The following ODAD2 variants were observed in gnomAD, a reference collection of about 807,000 sequenced individuals.
The protein encoded by ODAD2 is outer dynein arm-docking complex subunit 2.
A neutral mutation model predicts 106.8 loss-of-function variants in ODAD2; 89 were observed. That is an observed-to-expected ratio of 0.83 (90% CI 0.70 to 0.99). The LOEUF is 0.99. Among genes scored for constraint, ODAD2 ranks in the 50% least tolerant of loss-of-function variants. The probability of loss-of-function intolerance (pLI) is 0.00; values close to 1 mark genes in which losing one functional copy is unlikely to be tolerated. For missense variants in ODAD2, 1,168 were observed against 1,238.5 expected, an observed-to-expected ratio of 0.94 and a Z score of 0.85; for synonymous variants, 404 against 436.2, an observed-to-expected ratio of 0.93 and a Z score of 0.92.
At chr10:27,910,656 C>A (rs1843942390) in intron 16 of ODAD2, among the ~76,000 whole-genome samples, 1 of 152,016 alleles carries the variant, frequency 6.6e-6, no homozygotes, top group African/African-American at 2.4e-5. Flanking sequence ...ACTTGGGAGG[C>A]TGAGGTAGGA....
intron 16 of ODAD2, among the ~76,000 whole-genome samples, chr10:27,917,810 A>G (rs1297606601): frequency 6.6e-6 from 1 of 151,898 alleles, no homozygotes; most frequent in Non-Finnish European, 1.5e-5. Flanking sequence ...CAAAAAAGAG[A>G]CTGATGGAGA....
At position 27,898,164 on chromosome 10, in the gene ODAD2, T is replaced by A. The variant is rs76496077; in HGVS notation, c.2610+9499A>T. ...TTAAATTTGACATTTAAATATAGAT[T>A]TTCAATGACCATTGACAGTTAATCA... On this transcript the variant is annotated intron_variant, in intron 17 of 19. Transcript: ENST00000305242. Among the ~76,000 whole-genome samples, 101 of 152,262 alleles carry A rather than the reference T, an allele frequency of 6.6e-4. 1 individual carries two copies. The East Asian group carries it at 0.018, about 28-fold the overall frequency.
At chr10:27,813,352 G>A (rs1835885475) in intron 19 of ODAD2, 1 of 152,138 alleles carries the variant, frequency 6.6e-6, no homozygotes, top group Non-Finnish European at 1.5e-5. Flanking sequence ...GTCAGTAGCA[G>A]TTTACTCAAA....
At chr10:27,812,668 A>G (rs1835833421) in intron 19 of ODAD2, 43 bp from the exon 20 acceptor site, 3 of 1,533,616 alleles carry the variant, frequency 2.0e-6, no homozygotes, top group Non-Finnish European at 2.6e-6. Context: ...AAGAATAAAA[A>G]CATTAATCTA....
At chr10:27,818,439 C>T (rs958648703) in intron 19 of ODAD2, among the ~76,000 whole-genome samples, 7 of 152,094 alleles carry the variant, frequency 4.6e-5, no homozygotes, top group Non-Finnish European at 4.4e-5. Context: ...AGCAGAAAAA[C>T]TCTCCCAACA....
intron 19 of ODAD2, among the ~76,000 whole-genome samples, chr10:27,845,918 T>C (rs1020878284): frequency 1.7e-4 from 26 of 152,312 alleles, no homozygotes; most frequent in African/African-American, 5.8e-4. Flanking sequence ...CCCAGATTCA[T>C]AAAGCAAGTC....
rs1491566996 is a variant in ODAD2, at chr10:27,885,648, TTATA to T, written c.2610+22011_2610+22014del. On this transcript the variant is annotated intron_variant, in intron 17 of 19. Transcript: ENST00000305242. ...ATATATAAAATATATATTATATATA[TTATA>T]TATAATATATTATATATAAAATATA... Among the ~76,000 whole-genome samples the T allele has an allele frequency of 1.6e-4, 5 of 30,998 alleles. No homozygotes were observed. In the Admixed American group the frequency reaches 2.1e-3, roughly 13 times the overall value. The allele number at this position is 30,998 out of a possible 152,430, so 20.3% of individuals were successfully genotyped here. A position where few individuals can be genotyped will look rare whatever the true frequency, so the allele number is the denominator to read the frequency against.
At chr10:27,914,180 A>G (rs1285359744) in intron 16 of ODAD2, among the ~76,000 whole-genome samples, 1 of 152,142 alleles carries the variant, frequency 6.6e-6, no homozygotes, top group African/African-American at 2.4e-5. Flanking sequence ...AATAAATATT[A>G]AGTGAGAGCC....
intron 2 of ODAD2, among the ~76,000 whole-genome samples, chr10:27,989,180 C>A (rs796946401): frequency 3.9e-5 from 6 of 152,132 alleles, no homozygotes; most frequent in Non-Finnish European, 7.3e-5. Flanking sequence ...TAAGATAATA[C>A]ATTTGTGTGT....
chr10:27,879,671 A>C (rs1372285897), intron 17 of ODAD2, among the ~76,000 whole-genome samples: 1 of 152,116 alleles, frequency 6.6e-6, no homozygotes, highest in Non-Finnish European at 1.5e-5. Flanking sequence ...ATTTATGAAG[A>C]GATTGTTTTC....
At chr10:27,905,649 G>A (rs1843534176) in intron 17 of ODAD2, among the ~76,000 whole-genome samples, 1 of 152,102 alleles carries the variant, frequency 6.6e-6, no homozygotes, top group Non-Finnish European at 1.5e-5. Context: ...AAACAGCATG[G>A]TACTGGTACC....
rs9299592 is a variant in ODAD2 at position 27,858,803 on chromosome 10, AT to A, written c.3021+1821del. Among the ~76,000 whole-genome samples the A allele has an allele frequency of 2.6e-3, 340 of 128,730 alleles. 1 individual carries two copies. The highest frequency in any genetic ancestry group is 8.7e-3 in the African/African-American group (294 of 33,866). The allele number at this position is 128,730 out of a possible 152,430, so 84.5% of individuals were successfully genotyped here. ...AACCATTACATGTACACCTTAGTAC[AT>A]TTTTTTTTTTTTTTTTTGAGACAGA... On this transcript the variant is annotated intron_variant, in intron 19 of 19. Transcript: ENST00000305242.
Position 27,945,782 on chromosome 10 carries a change from TGCATATTACCACTACTGCTATTCAGCTG to T in ODAD2, c.1387-848_1387-821del, listed in dbSNP as rs1846869607. Among the ~76,000 whole-genome samples, 3 of 152,262 alleles carry T rather than the reference TGCATATTACCACTACTGCTATTCAGCTG, an allele frequency of 2.0e-5. No homozygotes were observed. The South Asian group carries it at 6.2e-4, about 32-fold the overall frequency. On this transcript the variant is annotated intron_variant, in intron 10 of 19. Transcript: ENST00000305242. Reference sequence around the variant, plus strand: ...GCTTTGAAAATCTTCTAAGGAGTAGTGCATATTACCACTACTGCTATTCAGCTGGCTGATAAGAGTTCTGGCATCAGCA... The same window carrying T: ...GCTTTGAAAATCTTCTAAGGAGTAGTGCTGATAAGAGTTCTGGCATCAGCA...
intron 19 of ODAD2, among the ~76,000 whole-genome samples, chr10:27,845,248 G>A (rs1159652826): frequency 1.3e-5 from 2 of 152,220 alleles, no homozygotes; most frequent in Non-Finnish European, 2.9e-5. Flanking sequence ...CAAGCCAGAA[G>A]AGAGTGGGGG....
rs779013960 is a variant in ODAD2, at chr10:27,995,133, C to T, written c.10G>A (p.Ala4Thr). The T allele has an allele frequency of 6.2e-7, 1 of 1,614,102 alleles. No homozygotes were observed. Among genetic ancestry groups the T allele is most frequent in the East Asian group, 2.2e-5 (1 of 44,872 alleles). ...GTCCACTGCGTCAATTTCCTCAGAG[C>T]CACACCCATGGGATCCACCGTGCTC... is the stretch of plus-strand genomic sequence containing the variant. MGV[A>T]LRKLTQWTAA... The change falls in exon 2 of 20, where the codon GCT becomes ACT. Residue 4 changes from alanine (A) to threonine (T), a missense_variant. Transcript: ENST00000305242.
At chr10:27,949,861 G>C (rs1423943215) in intron 10 of ODAD2, among the ~76,000 whole-genome samples, 1 of 152,136 alleles carries the variant, frequency 6.6e-6, no homozygotes, top group East Asian at 1.9e-4. Context: ...ATAAAGAAAC[G>C]TTTGAAAGGT....
chr10:27,920,936 C>G (rs921665484), intron 16 of ODAD2, among the ~76,000 whole-genome samples: 1 of 151,758 alleles, frequency 6.6e-6, no homozygotes, highest in East Asian at 1.9e-4. Flanking sequence ...GTTACAGATT[C>G]CATGGTAAGT....
intron 1 of ODAD2, 98 bp from the exon 2 acceptor site, chr10:27,995,278 A>G (rs1394105989): frequency 9.6e-6 from 12 of 1,245,236 alleles, no homozygotes; most frequent in Admixed American, 2.9e-5. Flanking sequence ...CCCATCCCAC[A>G]TTCTGCTTAT....
intron 16 of ODAD2, among the ~76,000 whole-genome samples, chr10:27,921,231 G>T (rs1161772990): frequency 1.3e-5 from 2 of 151,124 alleles, no homozygotes; most frequent in Non-Finnish European, 2.9e-5. Flanking sequence ...GGAGTTTAAG[G>T]CTGCAGTGAC....
Sources: gnomAD v4.1 joint callset for allele counts (sites outside exome capture counted in the v4.1 genomes callset) on GRCh38, gnomAD v4.1.1 for gene constraint, MANE v1.5 for transcripts, NCBI Gene and HGNC (gene_info 2026-07-23, HGNC 2026-07-21) for gene names.